FAM220A: variants seen among roughly 807,000 people sequenced by gnomAD.
FAM220A encodes the protein protein FAM220A.
For missense variants in FAM220A, 392 were observed against 321.6 expected (o/e 1.22, Z -1.68); for synonymous variants, 141 against 130.7 (o/e 1.08, Z -0.54).
intron 1 of FAM220A, among the ~76,000 whole-genome samples, chr7:6,341,397 G>GCGC (rs1248369659): frequency 4.0e-5 from 6 of 151,312 alleles, no homozygotes; most frequent in Non-Finnish European, 8.8e-5. Flanking sequence ...AGCGGAGATC[G>GCGC]CGCCACTGTA....
intron 1 of FAM220A, among the ~76,000 whole-genome samples, chr7:6,332,755 G>C (rs1781661999): frequency 6.6e-6 from 1 of 152,234 alleles, no homozygotes; most frequent in Non-Finnish European, 1.5e-5. Flanking sequence ...AGCTACAGCT[G>C]AAAGTGGCTG....
At position 6,330,196 on chromosome 7, in the gene FAM220A, A is replaced by G. The variant is rs1270953669; in HGVS notation, c.*179T>C. 1.4e-5 allele frequency: 9 copies of G among 639,480 alleles called. No homozygotes were observed. The East Asian group carries it at 2.5e-4, about 18-fold the overall frequency. The allele number at this position is 639,480 out of a possible 1,614,324, so 39.6% of individuals were successfully genotyped here. ...AAGCACAATTTAACACATGCCAAAA[A>G]AGTTCCTTCCGCATCAACTGGCTTT... On this transcript the variant is annotated 3_prime_UTR_variant, in exon 2 of 2. Coordinates refer to ENST00000313324, the MANE Select transcript of FAM220A (RefSeq NM_001037163.2).
At chr7:6,332,555 T>C (rs926033613) in intron 1 of FAM220A, among the ~76,000 whole-genome samples, 27 of 152,144 alleles carry the variant, frequency 1.8e-4, no homozygotes, top group Admixed American at 1.6e-3. Context: ...TGGTGGCTCA[T>C]GCTTATAAAC....
Position 6,330,741 on chromosome 7 carries a change from A to T in FAM220A, c.414T>A (p.Thr138=). 3.7e-6 allele frequency: 6 copies of T among 1,614,150 alleles called. No homozygotes were observed. Among genetic ancestry groups the T allele is most frequent in the Non-Finnish European group, 5.1e-6 (6 of 1,180,020 alleles). Residue 138 remains threonine, a synonymous_variant, in exon 2 of 2, where the codon ACT becomes ACA. Transcript: ENST00000313324. ...RDWLGGGPRA[T]DGHRGQCPKG... ...TGGGGCACTGTCCTCTGTGGCCGTC[A>T]GTGGCCCTGGGCCCTCCTCCCAGCC...
intron 1 of FAM220A, among the ~76,000 whole-genome samples, chr7:6,344,530 C>T (rs999164392): frequency 9.9e-5 from 15 of 151,958 alleles, no homozygotes; most frequent in African/African-American, 3.6e-4. Context: ...TCAAGTGATC[C>T]ACCTCAGTCT....
At position 6,330,917 on chromosome 7, in the gene FAM220A, C is replaced by A. The variant is rs748111466; in HGVS notation, c.238G>T (p.Gly80Cys). Reference sequence around the variant, plus strand: ...TCTCTCACATATGGAAGCACTGGGCCGCCACTGTGAAGCCAGAGGCCAGCC... The same window carrying A: ...TCTCTCACATATGGAAGCACTGGGCAGCCACTGTGAAGCCAGAGGCCAGCC... The part of the protein sequence containing the change: ...SGAGLWLHSG[G>C]PVLPYVRESV... The change falls in exon 2 of 2, where the codon GGC (glycine) becomes TGC (cysteine). Residue 80 changes from glycine (G) to cysteine (C), a missense_variant. Coordinates refer to ENST00000313324, the MANE Select transcript of FAM220A (RefSeq NM_001037163.2). 10 of 1,614,066 alleles carry A rather than the reference C, an allele frequency of 6.2e-6. No homozygotes were observed. Among genetic ancestry groups the A allele is most frequent in the Non-Finnish European group, 8.5e-6 (10 of 1,180,054 alleles).
chr7:6,329,832 C>G lies in FAM220A; in HGVS notation c.*543G>C, dbSNP rs1349749863. ...TAATATTGCAACTTTCACCACAGGGCCTCTGTCTAAATTGCATTTCAAGTG... is the reference window on the plus strand; with the variant it reads ...TAATATTGCAACTTTCACCACAGGGGCTCTGTCTAAATTGCATTTCAAGTG... On this transcript the variant is annotated 3_prime_UTR_variant, in exon 2 of 2. Transcript: ENST00000313324. The G allele has an allele frequency of 6.0e-6, 1 of 167,254 alleles. No homozygotes were observed. Among genetic ancestry groups the G allele is most frequent in the African/African-American group, 2.4e-5 (1 of 41,410 alleles). 10.4% of individuals were successfully genotyped at this position (167,254 alleles called of 1,614,324 possible). A position where few individuals can be genotyped will look rare whatever the true frequency, so the allele number is the denominator to read the frequency against.
chr7:6,332,222 C>A (rs1359690336), intron 1 of FAM220A, among the ~76,000 whole-genome samples: 1 of 152,044 alleles, frequency 6.6e-6, no homozygotes, highest in Non-Finnish European at 1.5e-5. Flanking sequence ...TAGGGACCAG[C>A]ACCTTCATTG....
Position 6,330,566 on chromosome 7 carries a change from G to A in FAM220A, c.589C>T (p.His197Tyr). 6.2e-7 allele frequency: 1 copy of A among 1,614,174 alleles called. No individual in the cohort carries two copies. The highest frequency in any genetic ancestry group is 8.5e-7 in the Non-Finnish European group (1 of 1,180,024). Residue 197 changes from histidine to tyrosine, a missense_variant, in exon 2 of 2, where the codon CAC becomes TAC. Transcript: ENST00000313324. ...CLHSILSATL[H>Y]VYPEVLLSEE... ...CTCAGGAGCACTTCGGGATACACGT[G>A]CAGCGTTGCAGACAGGATGGAGTGC... is the stretch of plus-strand genomic sequence containing the variant.
Position 6,330,206 on chromosome 7 carries a change from C to T in FAM220A, c.*169G>A, listed in dbSNP as rs1583234647. 4 of 674,988 alleles carry T rather than the reference C, an allele frequency of 5.9e-6. No homozygotes were observed. Among genetic ancestry groups the T allele is most frequent in the South Asian group, 2.1e-5 (1 of 47,834 alleles). 41.8% of individuals were successfully genotyped at this position (674,988 alleles called of 1,614,324 possible). ...TAACACATGCCAAAAAAGTTCCTTCCGCATCAACTGGCTTTGAATTTAAAC... is the reference window on the plus strand; with the variant it reads ...TAACACATGCCAAAAAAGTTCCTTCTGCATCAACTGGCTTTGAATTTAAAC... On this transcript the variant is annotated 3_prime_UTR_variant, in exon 2 of 2. Transcript: ENST00000313324.
At chr7:6,338,511 T>C (rs1781789552) in intron 1 of FAM220A, 1 of 152,150 alleles carries the variant, frequency 6.6e-6, no homozygotes, top group Non-Finnish European at 1.5e-5. Flanking sequence ...AGGGTAAATC[T>C]TGCAGCCTAT....
chr7:6,338,419 A>C (rs1781787223), intron 1 of FAM220A, among the ~76,000 whole-genome samples: 1 of 152,196 alleles, frequency 6.6e-6, no homozygotes, highest in Admixed American at 6.6e-5. Flanking sequence ...GGTAGCTACC[A>C]AAGCTGAGAC....
rs3750039 is a variant in FAM220A at position 6,330,674 on chromosome 7, C to G, written c.481G>C (p.Val161Leu). ...TCCTGAAAACTTCCCATTTCCGGCA[C>G]TTTTTGATGGCGTGGCAGTCGTGAC... Reference protein sequence around the residue: ...RVSRLPRHQKVPEMGSFQDDP... With the variant: ...RVSRLPRHQKLPEMGSFQDDP... The change falls in exon 2 of 2, where the codon GTG becomes CTG. Residue 161 changes from valine to leucine, a missense_variant. Transcript: ENST00000313324. The G allele has an allele frequency of 0.53, 857,374 of 1,613,648 alleles. 238,766 individuals carry two copies. The highest frequency in any genetic ancestry group is 0.91 in the East Asian group (40,655 of 44,842).
intron 1 of FAM220A, among the ~76,000 whole-genome samples, chr7:6,333,550 G>A (rs905515462): frequency 6.6e-6 from 1 of 152,236 alleles, no homozygotes; most frequent in South Asian, 2.1e-4. Context: ...CCAGGCTGGA[G>A]GACAATGGCG....
At chr7:6,333,327 A>G (rs1781677011) in intron 1 of FAM220A, among the ~76,000 whole-genome samples, 1 of 152,154 alleles carries the variant, frequency 6.6e-6, no homozygotes, top group South Asian at 2.1e-4. Context: ...AGCTTCAGCA[A>G]GGACAGGATG....
Position 6,348,555 on chromosome 7 carries a change from C to A in FAM220A, c.-82+18G>T, listed in dbSNP as rs1051482953. The A allele has an allele frequency of 4.6e-6, 2 of 432,352 alleles. No individual in the cohort carries two copies. The highest frequency in any genetic ancestry group is 4.1e-5 in the African/African-American group (2 of 48,884). 26.8% of individuals were successfully genotyped at this position (432,352 alleles called of 1,614,324 possible). A position where few individuals can be genotyped will look rare whatever the true frequency, so the allele number is the denominator to read the frequency against. ...CGCTCGGGGAGGGCCGGGGGCCGGGCAGGCACGGCTCACCCACCTGCAGGC... is the reference window on the plus strand; with the variant it reads ...CGCTCGGGGAGGGCCGGGGGCCGGGAAGGCACGGCTCACCCACCTGCAGGC... On this transcript the variant is annotated intron_variant, in intron 1 of 1. Transcript: ENST00000313324.
intron 1 of FAM220A, among the ~76,000 whole-genome samples, chr7:6,335,575 T>C (rs530449969): frequency 6.6e-6 from 1 of 152,252 alleles, no homozygotes; most frequent in South Asian, 2.1e-4. Context: ...GTTTAGTTCA[T>C]TCTTCTTTCT....
chr7:6,345,434 T>C (rs1334127353), intron 1 of FAM220A, among the ~76,000 whole-genome samples: 1 of 152,138 alleles, frequency 6.6e-6, no homozygotes, highest in Admixed American at 6.6e-5. Context: ...ATTTGTTTTT[T>C]AGAAGTTGCC....
At chr7:6,347,528 AAG>A (rs1252369010) in intron 1 of FAM220A, among the ~76,000 whole-genome samples, 1 of 150,032 alleles carries the variant, frequency 6.7e-6, no homozygotes, top group Non-Finnish European at 1.5e-5. Context: ...AAAAAAAAAA[AAG>A]AGATACCAAT....
Sources: allele counts gnomAD v4.1 joint callset (sites outside exome capture counted in the v4.1 genomes callset), GRCh38; gene constraint gnomAD v4.1.1; transcripts MANE v1.5; gene names NCBI Gene and HGNC (gene_info 2026-07-23, HGNC 2026-07-21).